Variants in EPB41L4A observed in about 807,000 individuals in gnomAD.
The protein encoded by EPB41L4A is erythrocyte membrane protein band 4.1 like 4A.
A neutral mutation model predicts 108.6 loss-of-function variants in EPB41L4A; 100 were observed. The ratio of observed to expected loss-of-function variants is 0.92; its 90% CI spans 0.78 to 1.09. The LOEUF (loss-of-function observed/expected upper bound fraction) is 1.09, where lower values mean the gene tolerates loss of function less well. Ranked by LOEUF, EPB41L4A falls within the 50% of genes least tolerant of loss-of-function variation. The pLI, the probability that EPB41L4A is intolerant of heterozygous loss-of-function variation, is 0.00. For synonymous variants in EPB41L4A, 319 were observed against 289.0 expected, an observed-to-expected ratio of 1.10 and a Z score of -1.05; for missense variants, 1,030 against 842.7, an observed-to-expected ratio of 1.22 and a Z score of -2.75.
At chr5:112,227,632 C>G (rs1164866031) in intron 12 of EPB41L4A, among the ~76,000 whole-genome samples, 1 of 152,206 alleles carries the variant, frequency 6.6e-6, no homozygotes, top group Non-Finnish European at 1.5e-5. Context: ...ACATCCGTCT[C>G]TATTCAGATA....
At chr5:112,233,226 G>T (rs1419139431) in intron 12 of EPB41L4A, among the ~76,000 whole-genome samples, 1 of 152,016 alleles carries the variant, frequency 6.6e-6, no homozygotes, top group African/African-American at 2.4e-5. Flanking sequence ...GTTAAAAACA[G>T]GCAAAATAAA....
At chr5:112,232,141 A>T (rs1749003811) in intron 12 of EPB41L4A, among the ~76,000 whole-genome samples, 1 of 149,600 alleles carries the variant, frequency 6.7e-6, no homozygotes, top group African/African-American at 2.4e-5. Flanking sequence ...AGAGAGAGAG[A>T]GAGAGAGAGA....
At chr5:112,223,396 G>C (rs1361912073) in intron 12 of EPB41L4A, among the ~76,000 whole-genome samples, 4 of 152,094 alleles carry the variant, frequency 2.6e-5, no homozygotes, top group African/African-American at 9.7e-5. Flanking sequence ...CAATCCCAGA[G>C]TTTTCAAAGT....
intron 15 of EPB41L4A, among the ~76,000 whole-genome samples, chr5:112,200,143 T>A (rs961928537): frequency 6.6e-6 from 1 of 152,240 alleles, no homozygotes; most frequent in Non-Finnish European, 1.5e-5. Flanking sequence ...ACTGGCCTTT[T>A]TCGTTTTCAT....
intron 9 of EPB41L4A, among the ~76,000 whole-genome samples, chr5:112,253,650 C>G (rs956551085): frequency 3.3e-5 from 5 of 152,058 alleles, no homozygotes; most frequent in African/African-American, 1.2e-4. Context: ...TATTTATAGT[C>G]TATGACATAC....
intron 18 of EPB41L4A, among the ~76,000 whole-genome samples, chr5:112,176,951 C>T (rs535896126): frequency 4.9e-4 from 75 of 151,966 alleles, no homozygotes; most frequent in Admixed American, 1.5e-3. Context: ...GACGAGGTTT[C>T]ACCACGTTGG....
intron 18 of EPB41L4A, chr5:112,173,748 A>G (rs7701790): frequency 0.59 from 89,520 of 151,318 alleles, 27,352 homozygotes; most frequent in Middle Eastern, 0.7. Context: ...GATTCAAGCG[A>G]TTCTCCTGCC....
chr5:112,386,657 A>C (rs1012660056), intron 1 of EPB41L4A, among the ~76,000 whole-genome samples: 64 of 152,356 alleles, frequency 4.2e-4, no homozygotes, highest in African/African-American at 1.4e-3. Context: ...AAATGAATCG[A>C]TTGTATCAAC....
intron 1 of EPB41L4A, among the ~76,000 whole-genome samples, chr5:112,363,897 T>G (rs1468853412): frequency 6.6e-6 from 1 of 152,196 alleles, no homozygotes; most frequent in Non-Finnish European, 1.5e-5. Flanking sequence ...TCATGTAAGT[T>G]TATAGAGTGT....
Position 112,225,827 on chromosome 5 carries a change from G to A in EPB41L4A, c.1087+8807C>T, listed in dbSNP as rs146787649. Among the ~76,000 whole-genome samples, 81 of 152,094 alleles carry A rather than the reference G, an allele frequency of 5.3e-4. No homozygotes were observed. The East Asian group carries it at 0.014, about 27-fold the overall frequency. On this transcript the variant is annotated intron_variant, in intron 12 of 22. Transcript: ENST00000261486. ...GTAACACATTCTTTCTTAGTCTTTC[G>A]TCTCTATATTGTAGACTGTAACTGA...
intron 15 of EPB41L4A, among the ~76,000 whole-genome samples, chr5:112,200,385 C>T (rs1361994768): frequency 6.6e-6 from 1 of 152,200 alleles, no homozygotes; most frequent in Non-Finnish European, 1.5e-5. Context: ...ACACTTATGA[C>T]ACGTGTACTT....
At chr5:112,404,444 A>G (rs564004522) in intron 1 of EPB41L4A, among the ~76,000 whole-genome samples, 2 of 152,342 alleles carry the variant, frequency 1.3e-5, no homozygotes, top group Admixed American at 1.3e-4. Context: ...AACATTTTGT[A>G]AGTTTTTTCA....
chr5:112,414,858 G>A (rs1310419643), intron 1 of EPB41L4A, among the ~76,000 whole-genome samples: 2 of 152,170 alleles, frequency 1.3e-5, no homozygotes, highest in Non-Finnish European at 2.9e-5. Flanking sequence ...AAAACTGGAT[G>A]TAGTTATGCA....
At chr5:112,213,114 G>GA (rs879505700) in intron 12 of EPB41L4A, among the ~76,000 whole-genome samples, 8 of 150,892 alleles carry the variant, frequency 5.3e-5, no homozygotes, top group Admixed American at 2.0e-4. Context: ...AGAATTTCAG[G>GA]AAAAAAAAAT....
At chr5:112,307,653 G>A (rs958290292) in intron 1 of EPB41L4A, among the ~76,000 whole-genome samples, 163 bp from the exon 2 acceptor site, 3 of 152,160 alleles carry the variant, frequency 2.0e-5, no homozygotes, top group East Asian at 1.9e-4. Context: ...AGAAAAAAAC[G>A]TGATTTAAAG....
intron 1 of EPB41L4A, among the ~76,000 whole-genome samples, chr5:112,314,650 T>C (rs1755311735): frequency 6.9e-6 from 1 of 145,354 alleles, no homozygotes; most frequent in Non-Finnish European, 1.5e-5. Flanking sequence ...CTATTAAAAA[T>C]ACAAAAACTT....
intron 8 of EPB41L4A, among the ~76,000 whole-genome samples, 183 bp from the exon 9 acceptor site, chr5:112,259,475 T>A (rs1751345433): frequency 6.6e-6 from 1 of 152,210 alleles, no homozygotes; most frequent in South Asian, 2.1e-4. Flanking sequence ...ATTCTCATTG[T>A]CCTATGCTTC....
intron 1 of EPB41L4A, among the ~76,000 whole-genome samples, chr5:112,352,501 G>A (rs1410785884): frequency 6.6e-6 from 1 of 152,118 alleles, no homozygotes; most frequent in Non-Finnish European, 1.5e-5. Flanking sequence ...TAAAAAATTT[G>A]TTGGGACTTC....
At chr5:112,170,063 A>T in intron 20 of EPB41L4A, 2 of 462,506 alleles carry the variant, frequency 4.3e-6, no homozygotes, top group Non-Finnish European at 3.8e-6. Flanking sequence ...ATTAATCAGG[A>T]AAAGCCCCCT....
Sources: gnomAD v4.1 joint callset for allele counts (sites outside exome capture counted in the v4.1 genomes callset) on GRCh38, gnomAD v4.1.1 for gene constraint, MANE v1.5 for transcripts, NCBI Gene and HGNC (gene_info 2026-07-23, HGNC 2026-07-21) for gene names.